The following LRRC4C variants were observed in gnomAD, a reference collection of about 807,000 sequenced individuals.
LRRC4C encodes leucine rich repeat containing 4C.
LRRC4C carries 5 observed loss-of-function variants against 33.6 expected under a neutral mutation model. That is an observed-to-expected ratio of 0.15 (90% CI 0.08 to 0.31). The LOEUF (loss-of-function observed/expected upper bound fraction) is 0.31, where lower values mean the gene tolerates loss of function less well. Among genes scored for constraint, LRRC4C ranks in the 10% least tolerant of loss-of-function variants. The pLI, the probability that LRRC4C is intolerant of heterozygous loss-of-function variation, is 1.00. For synonymous variants in LRRC4C, 329 were observed against 302.0 expected (o/e 1.09, Z -0.93); for missense variants, 560 against 796.7 (o/e 0.70, Z 3.58).
intron 5 of LRRC4C, among the ~76,000 whole-genome samples, chr11:40,240,681 C>T (rs1204307056): frequency 1.3e-5 from 2 of 152,146 alleles, no homozygotes; most frequent in Non-Finnish European, 2.9e-5. Flanking sequence ...ATGGAGTTTT[C>T]AACTAACTAA....
intron 2 of LRRC4C, among the ~76,000 whole-genome samples, chr11:40,902,182 C>T (rs1201969764): frequency 1.3e-5 from 2 of 152,030 alleles, no homozygotes; most frequent in Non-Finnish European, 1.5e-5. Context: ...GTCTTTGTGT[C>T]ACATTTTTGT....
chr11:41,408,298 T>C (rs1465295628), intron 1 of LRRC4C, among the ~76,000 whole-genome samples: 1 of 152,158 alleles, frequency 6.6e-6, no homozygotes, highest in African/African-American at 2.4e-5. Flanking sequence ...GTTAAAAAGA[T>C]TACAAACTAA....
chr11:41,364,966 A>T (rs561387642), intron 1 of LRRC4C, among the ~76,000 whole-genome samples: 2 of 151,674 alleles, frequency 1.3e-5, no homozygotes, highest in East Asian at 3.9e-4. Flanking sequence ...CTGAAACACC[A>T]TGGAGTGTGT....
At position 40,537,873 on chromosome 11, in the gene LRRC4C, C is replaced by T. The variant is rs191359882; in HGVS notation, c.-270+110269G>A. 5.3e-5 allele frequency among the ~76,000 whole-genome samples: 8 copies of T among 152,228 alleles called. No homozygotes were observed. The East Asian group carries it at 1.5e-3, about 29-fold the overall frequency. On this transcript the variant is annotated intron_variant, in intron 3 of 6. Coordinates refer to ENST00000528697, the MANE Select transcript of LRRC4C (RefSeq NM_001258419.2). ...GTATAGATTGGAAAGCTAGTAAATT[C>T]CTGAGTGGCTGTAGCCCTGTCTACT...
At chr11:40,878,757 T>A (rs1488818938) in intron 2 of LRRC4C, among the ~76,000 whole-genome samples, 5 of 152,212 alleles carry the variant, frequency 3.3e-5, no homozygotes, top group Non-Finnish European at 7.3e-5. Flanking sequence ...TTATGTTATA[T>A]CAGATTATTA....
chr11:40,594,546 A>T (rs1959182944), intron 3 of LRRC4C, among the ~76,000 whole-genome samples: 1 of 152,218 alleles, frequency 6.6e-6, no homozygotes, highest in African/African-American at 2.4e-5. Context: ...TGTGGTTGAT[A>T]ATATGCAAAC....
chr11:40,950,065 T>C (rs1015697988), intron 1 of LRRC4C, among the ~76,000 whole-genome samples: 10 of 151,964 alleles, frequency 6.6e-5, no homozygotes, highest in Admixed American at 5.3e-4. Flanking sequence ...ATCAGATCTG[T>C]AACTTTCCAG....
intron 1 of LRRC4C, among the ~76,000 whole-genome samples, chr11:41,364,933 CAA>C (rs1357147426): frequency 6.6e-6 from 1 of 151,980 alleles, no homozygotes; most frequent in Non-Finnish European, 1.5e-5. Context: ...CAGAAATTTT[CAA>C]AGTTATTTTG....
chr11:41,087,067 G>A (rs919123246), intron 1 of LRRC4C, among the ~76,000 whole-genome samples: 2 of 151,956 alleles, frequency 1.3e-5, no homozygotes, highest in African/African-American at 4.8e-5. Flanking sequence ...ACATGAACAT[G>A]GAATAAATTG....
chr11:40,728,625 CAAAAAAA>C (rs60355454), intron 2 of LRRC4C, among the ~76,000 whole-genome samples: 3 of 51,246 alleles, frequency 5.9e-5, no homozygotes, highest in East Asian at 6.8e-4. Context: ...GACTCCGTCT[CAAAAAAA>C]AAAAAAAAAA....
chr11:41,206,601 C>T (rs1049879077), intron 1 of LRRC4C, among the ~76,000 whole-genome samples: 1 of 152,152 alleles, frequency 6.6e-6, no homozygotes, highest in Non-Finnish European at 1.5e-5. Flanking sequence ...TTGAGTGCCC[C>T]AGGCCCTACC....
chr11:41,104,237 C>T (rs972195345), intron 1 of LRRC4C, among the ~76,000 whole-genome samples: 6 of 151,806 alleles, frequency 4.0e-5, no homozygotes, highest in African/African-American at 1.4e-4. Flanking sequence ...ACGTAAATAA[C>T]CATTACAACT....
chr11:41,393,748 C>A (rs1361130670), intron 1 of LRRC4C, among the ~76,000 whole-genome samples: 1 of 151,922 alleles, frequency 6.6e-6, no homozygotes, highest in African/African-American at 2.4e-5. Context: ...CACATTTATA[C>A]TTTATGCTAC....
At position 41,399,181 on chromosome 11, in the gene LRRC4C, A is replaced by T. The variant is rs138605467; in HGVS notation, c.-496+60250T>A. Among the ~76,000 whole-genome samples the T allele has an allele frequency of 1.9e-3, 291 of 152,116 alleles. 2 individuals carry two copies. Among genetic ancestry groups the T allele is most frequent in the African/African-American group, 6.8e-3 (281 of 41,544 alleles). ...AAAACCTGGATCAGTGAGTGCTAAT[A>T]TTCTTCATGGAGTTGATTTAAGGTT... On this transcript the variant is annotated intron_variant, in intron 1 of 6. Coordinates refer to ENST00000528697, the MANE Select transcript of LRRC4C (RefSeq NM_001258419.2).
At position 40,553,086 on chromosome 11, in the gene LRRC4C, C is replaced by T. The variant is rs547746119; in HGVS notation, c.-270+95056G>A. Among the ~76,000 whole-genome samples the T allele has an allele frequency of 1.6e-4, 25 of 152,146 alleles. No homozygotes were observed. The South Asian group carries it at 4.8e-3, about 29-fold the overall frequency. ...AGCAGTTCAAAACCAGCCTGGCCTA[C>T]GTGGCAAAACCCTGTCTCTACTAAA... On this transcript the variant is annotated intron_variant, in intron 3 of 6. Transcript: ENST00000528697.
At chr11:40,376,578 C>T (rs1948668511) in intron 3 of LRRC4C, among the ~76,000 whole-genome samples, 2 of 152,116 alleles carry the variant, frequency 1.3e-5, no homozygotes, top group Non-Finnish European at 2.9e-5. Flanking sequence ...AACAGCTTTA[C>T]AGCCAGATGC....
In LRRC4C at chr11:40,734,294, A is replaced by T. The variant is rs535553488; in HGVS notation, c.-406-86016T>A. 3.9e-5 allele frequency among the ~76,000 whole-genome samples: 6 copies of T among 152,302 alleles called. 1 individual carries two copies. In the South Asian group the frequency reaches 1.2e-3, roughly 32 times the overall value. ...ATGTATGGAATTTGACAGTGACAAT[A>T]TTGTATAGAATGCTAAAATACATTG... On this transcript the variant is annotated intron_variant, in intron 2 of 6. Coordinates refer to ENST00000528697, the MANE Select transcript of LRRC4C (RefSeq NM_001258419.2).
At chr11:40,999,551 C>T (rs79660073) in intron 1 of LRRC4C, among the ~76,000 whole-genome samples, 1 of 152,082 alleles carries the variant, frequency 6.6e-6, no homozygotes, top group African/African-American at 2.4e-5. Context: ...CTCTGATTCA[C>T]TCTTTTTTCT....
intron 2 of LRRC4C, among the ~76,000 whole-genome samples, chr11:40,796,316 T>A (rs557689468): frequency 3.5e-4 from 54 of 152,270 alleles, no homozygotes; most frequent in Admixed American, 1.6e-3. Context: ...TTTTGTTTAG[T>A]TACATGTCAA....
Sources: allele counts gnomAD v4.1 joint callset (sites outside exome capture counted in the v4.1 genomes callset), GRCh38; gene constraint gnomAD v4.1.1; transcripts MANE v1.5; gene names NCBI Gene and HGNC (gene_info 2026-07-23, HGNC 2026-07-21).